The following DCAF1 variants were observed in gnomAD, a reference collection of about 807,000 sequenced individuals.
DCAF1 encodes the protein DDB1 and CUL4 associated factor 1.
In DCAF1, 15 loss-of-function variants were observed where a neutral mutation model predicts 128.0. The observed-to-expected ratio is 0.12, with a 90% CI of 0.08 to 0.18. DCAF1 has a LOEUF of 0.18. Ranked by LOEUF, DCAF1 falls within the 10% of genes least tolerant of loss-of-function variation. The pLI, the probability that DCAF1 is intolerant of heterozygous loss-of-function variation, is 1.00. For synonymous variants in DCAF1, 610 were observed against 603.0 expected (o/e 1.01, Z -0.17); for missense variants, 988 against 1,649.5 (o/e 0.60, Z 6.95).
intron 19 of DCAF1, among the ~76,000 whole-genome samples, chr3:51,414,377 C>T (rs1457714922): frequency 6.6e-6 from 1 of 152,154 alleles, no homozygotes; most frequent in Non-Finnish European, 1.5e-5. Context: ...TCTTGGAGAA[C>T]TGGGAGGTAG....
At chr3:51,466,035 C>G (rs1190894706) in intron 5 of DCAF1, among the ~76,000 whole-genome samples, 1 of 151,828 alleles carries the variant, frequency 6.6e-6, no homozygotes, top group East Asian at 1.9e-4. Context: ...CCCATCTCTA[C>G]TAAACATACA....
intron 24 of DCAF1, among the ~76,000 whole-genome samples, chr3:51,402,376 T>G (rs2089770609): frequency 6.6e-6 from 1 of 152,154 alleles, no homozygotes; most frequent in Non-Finnish European, 1.5e-5. Context: ...AGCTACACTT[T>G]GGCCTTTCAT....
chr3:51,440,410 AC>A (rs1318986865), intron 9 of DCAF1, among the ~76,000 whole-genome samples: 1 of 151,198 alleles, frequency 6.6e-6, no homozygotes, highest in Non-Finnish European at 1.5e-5. Context: ...CCAGTTTAAG[AC>A]CAGCCTGGGC....
intron 13 of DCAF1, among the ~76,000 whole-genome samples, chr3:51,426,123 A>C (rs1383678225): frequency 1.3e-5 from 2 of 152,164 alleles, no homozygotes; most frequent in African/African-American, 4.8e-5. Flanking sequence ...CAGATATGAG[A>C]TATTAGGCCA....
At chr3:51,418,594 CA>C in intron 16 of DCAF1, 83 bp downstream of exon 16, 1 of 1,510,680 alleles carries the variant, frequency 6.6e-7, no homozygotes, top group East Asian at 2.3e-5. Flanking sequence ...AGAGAGAGCT[CA>C]ATAAAGGGTA....
At chr3:51,427,250 T>C (rs1310327880) in intron 13 of DCAF1, 122 bp downstream of exon 13, 1 of 568,332 alleles carries the variant, frequency 1.8e-6, no homozygotes, top group African/African-American at 1.9e-5. Flanking sequence ...TTTCTCAGAT[T>C]CAAGTCCAAA....
chr3:51,479,678 C>G (rs1705919269), intron 3 of DCAF1, among the ~76,000 whole-genome samples: 1 of 152,026 alleles, frequency 6.6e-6, no homozygotes, highest in South Asian at 2.1e-4. Flanking sequence ...CACCTGTAGT[C>G]CCAGCTGCTC....
chr3:51,399,952 G>C (rs1215573846), intron 24 of DCAF1, among the ~76,000 whole-genome samples: 1 of 152,132 alleles, frequency 6.6e-6, no homozygotes, highest in Non-Finnish European at 1.5e-5. Context: ...GACAAACAGA[G>C]AGCAATCATG....
At chr3:51,412,196 T>C (rs1280550751) in intron 23 of DCAF1, among the ~76,000 whole-genome samples, 183 bp downstream of exon 23, 1 of 150,992 alleles carries the variant, frequency 6.6e-6, no homozygotes, top group Non-Finnish European at 1.5e-5. Context: ...CATCAGGTAC[T>C]GGTTAAAATC....
chr3:51,448,063 GT>G (rs1282930299), intron 6 of DCAF1, among the ~76,000 whole-genome samples: 2 of 152,086 alleles, frequency 1.3e-5, no homozygotes, highest in African/African-American at 4.8e-5. Flanking sequence ...TTGCAGGAAT[GT>G]TTTTTTACTC....
chr3:51,500,526 GGTT>G (rs1178800180), upstream of DCAF1, among the ~76,000 whole-genome samples: 1 of 152,114 alleles, frequency 6.6e-6, no homozygotes, highest in Non-Finnish European at 1.5e-5. Flanking sequence ...AGAAGGCACT[GGTT>G]GTTTTTTGTT....
chr3:51,467,394 T>C (rs1438803208), intron 4 of DCAF1, among the ~76,000 whole-genome samples: 3 of 152,004 alleles, frequency 2.0e-5, no homozygotes, highest in Non-Finnish European at 4.4e-5. Context: ...CAGCAAACTA[T>C]TGCGAGGACA....
At chr3:51,446,923 G>A (rs1701907360) in intron 6 of DCAF1, among the ~76,000 whole-genome samples, 3 of 148,508 alleles carry the variant, frequency 2.0e-5, no homozygotes, top group African/African-American at 7.4e-5. Context: ...TCACGCCACT[G>A]CGCTCCAGCC....
intron 3 of DCAF1, among the ~76,000 whole-genome samples, chr3:51,483,120 CAA>C (rs782138779): frequency 2.5e-5 from 3 of 120,668 alleles, no homozygotes; most frequent in Non-Finnish European, 5.0e-5. Flanking sequence ...GCCTGGGCAA[CAA>C]GAGCAAAACT....
chr3:51,414,591 A>C lies in DCAF1; in HGVS notation c.3837+33T>G, dbSNP rs782685373. The C allele has an allele frequency of 5.0e-6, 8 of 1,602,676 alleles. No individual in the cohort carries two copies. The South Asian group carries it at 7.7e-5, about 15-fold the overall frequency. ...ATTTCTGCACCACAAACCAGACAAC[A>C]AATGGAAGGTAAGACATGAGTATAA... On this transcript the variant is annotated intron_variant, in intron 19 of 24. Coordinates refer to ENST00000684031, the MANE Select transcript of DCAF1 (RefSeq NM_001387579.1).
chr3:51,502,131 A>G (rs1708834600), upstream of DCAF1, among the ~76,000 whole-genome samples: 1 of 152,102 alleles, frequency 6.6e-6, no homozygotes, highest in Non-Finnish European at 1.5e-5. Flanking sequence ...CCCAGTGGTG[A>G]CTTCTCCGCT....
intron 12 of DCAF1, among the ~76,000 whole-genome samples, chr3:51,428,006 C>T (rs985163180): frequency 3.3e-5 from 5 of 152,028 alleles, no homozygotes. Flanking sequence ...TTTCAAATTC[C>T]ACAATTCTTG....
chr3:51,422,246 A>C (rs1553632707), intron 14 of DCAF1, 61 bp downstream of exon 14: 1 of 721,830 alleles, frequency 1.4e-6, no homozygotes, highest in East Asian at 2.6e-5. Context: ...CCAAGACCAG[A>C]GTGGCAAAGA....
At chr3:51,396,277 C>T (rs553512814), downstream of DCAF1, 3 of 208,360 alleles carry the variant, frequency 1.4e-5, no homozygotes, top group South Asian at 5.8e-4. Context: ...TCCAACCCCT[C>T]TTCAGAGAAA....
Sources: gnomAD v4.1 joint callset for allele counts (sites outside exome capture counted in the v4.1 genomes callset) on GRCh38, gnomAD v4.1.1 for gene constraint, MANE v1.5 for transcripts, NCBI Gene and HGNC (gene_info 2026-07-23, HGNC 2026-07-21) for gene names.